Variants in NR6A1 observed in about 807,000 individuals in gnomAD.
The protein encoded by NR6A1 is nuclear receptor subfamily 6 group A member 1.
A neutral mutation model predicts 59.1 loss-of-function variants in NR6A1; 7 were observed. The observed-to-expected ratio is 0.12, with a 90% CI of 0.07 to 0.22. NR6A1 has a LOEUF of 0.22. Ranked by LOEUF, NR6A1 falls within the 10% of genes least tolerant of loss-of-function variation. The pLI is 1.00. For missense variants in NR6A1, 468 were observed against 611.6 expected, an observed-to-expected ratio of 0.77 and a Z score of 2.48; for synonymous variants, 243 against 236.1, an observed-to-expected ratio of 1.03 and a Z score of -0.27.
At chr9:124,543,530 C>T (rs965178644) in intron 4 of NR6A1, among the ~76,000 whole-genome samples, 34 of 152,150 alleles carry the variant, frequency 2.2e-4, no homozygotes, top group African/African-American at 7.7e-4. Context: ...ATCAAAAAGT[C>T]CTCTGGATGG....
At chr9:124,579,073 G>C (rs1353848253) in intron 2 of NR6A1, among the ~76,000 whole-genome samples, 2 of 152,186 alleles carry the variant, frequency 1.3e-5, no homozygotes, top group East Asian at 3.8e-4. Context: ...CTTGAGCCCA[G>C]GAGTTCAAGA....
chr9:124,723,680 T>C (rs1222894478), intron 2 of NR6A1, among the ~76,000 whole-genome samples: 1 of 152,242 alleles, frequency 6.6e-6, no homozygotes, highest in Non-Finnish European at 1.5e-5. Flanking sequence ...CCTAGAACAG[T>C]ATACACTTAA....
chr9:124,640,906 A>G (rs1438218417), intron 2 of NR6A1, among the ~76,000 whole-genome samples: 5 of 152,220 alleles, frequency 3.3e-5, no homozygotes, highest in African/African-American at 1.2e-4. Context: ...CCTTCATTCA[A>G]AATAACCTTT....
At chr9:124,688,965 G>A (rs531733935) in intron 2 of NR6A1, among the ~76,000 whole-genome samples, 2 of 152,084 alleles carry the variant, frequency 1.3e-5, no homozygotes, top group South Asian at 2.1e-4. Flanking sequence ...TATAGACTCA[G>A]GAAACTAAAA....
intron 2 of NR6A1, among the ~76,000 whole-genome samples, chr9:124,727,852 T>C (rs1265682740): frequency 6.6e-6 from 1 of 151,900 alleles, no homozygotes; most frequent in Non-Finnish European, 1.5e-5. Context: ...GGCCAGTTTA[T>C]TTTTTGCATT....
intron 2 of NR6A1, among the ~76,000 whole-genome samples, chr9:124,581,521 G>T (rs533539818): frequency 6.6e-6 from 1 of 152,268 alleles, no homozygotes; most frequent in South Asian, 2.1e-4. Context: ...GAACCCAGGA[G>T]GGGGAGGTTG....
intron 2 of NR6A1, among the ~76,000 whole-genome samples, chr9:124,601,577 C>CT (rs1835450944): frequency 9.5e-6 from 1 of 105,728 alleles, no homozygotes; most frequent in African/African-American, 4.1e-5. Flanking sequence ...GAGGGAGACT[C>CT]TGTGTCAAAA....
chr9:124,673,389 CAAAA>C (rs1837853297), intron 2 of NR6A1, among the ~76,000 whole-genome samples: 1 of 151,622 alleles, frequency 6.6e-6, no homozygotes, highest in South Asian at 2.1e-4. Flanking sequence ...ATTTAAAAGA[CAAAA>C]AAACTTCAAC....
At chr9:124,584,752 A>G (rs941800457) in intron 2 of NR6A1, among the ~76,000 whole-genome samples, 3 of 152,124 alleles carry the variant, frequency 2.0e-5, no homozygotes, top group Admixed American at 2.0e-4. Flanking sequence ...ACCCAACAAC[A>G]TTGAAATTAG....
intron 1 of NR6A1, among the ~76,000 whole-genome samples, chr9:124,759,708 C>T (rs183749536): frequency 1.3e-5 from 2 of 152,286 alleles, no homozygotes; most frequent in East Asian, 3.9e-4. Context: ...AAGATTGTCC[C>T]TGATTTGGCA....
intron 2 of NR6A1, among the ~76,000 whole-genome samples, chr9:124,630,026 T>TC (rs1249499110): frequency 2.6e-5 from 4 of 152,214 alleles, no homozygotes; most frequent in Non-Finnish European, 5.9e-5. Flanking sequence ...CCAAATTTTT[T>TC]CATACATGTT....
intron 2 of NR6A1, among the ~76,000 whole-genome samples, chr9:124,698,022 G>A (rs755262146): frequency 6.6e-6 from 1 of 152,178 alleles, no homozygotes; most frequent in Non-Finnish European, 1.5e-5. Context: ...TGCCAAGCAT[G>A]ACTGGCTGAT....
intron 7 of NR6A1, 34 bp downstream of exon 7, chr9:124,535,844 G>T: frequency 6.2e-7 from 1 of 1,611,018 alleles, no homozygotes; most frequent in African/African-American, 1.3e-5. Context: ...TTGTTTGGTT[G>T]TTTGGTATTT....
intron 1 of NR6A1, among the ~76,000 whole-genome samples, chr9:124,739,688 T>C (rs1170959327): frequency 6.6e-6 from 1 of 152,256 alleles, no homozygotes; most frequent in African/African-American, 2.4e-5. Context: ...TCATGAGAGA[T>C]TAAAATGTCA....
chr9:124,705,031 T>A (rs899139491), intron 2 of NR6A1, among the ~76,000 whole-genome samples: 2 of 152,236 alleles, frequency 1.3e-5, no homozygotes, highest in East Asian at 3.8e-4. Flanking sequence ...CCACTGTGCC[T>A]GGCCTAGTTA....
At chr9:124,672,602 G>C (rs952426926) in intron 2 of NR6A1, among the ~76,000 whole-genome samples, 2 of 151,316 alleles carry the variant, frequency 1.3e-5, no homozygotes, top group Admixed American at 1.3e-4. Context: ...GCGACAGAGC[G>C]AGACTCCGTT....
At chr9:124,684,913 G>C (rs905585528) in intron 2 of NR6A1, among the ~76,000 whole-genome samples, 4 of 151,996 alleles carry the variant, frequency 2.6e-5, no homozygotes, top group African/African-American at 9.7e-5. Flanking sequence ...CTGAGGCTAA[G>C]ATGTTTGACT....
intron 2 of NR6A1, among the ~76,000 whole-genome samples, chr9:124,681,973 TTTTTTTGTTTTGTTTTGTTTTG>T (rs923875334): frequency 1.3e-5 from 2 of 151,490 alleles, no homozygotes; most frequent in African/African-American, 4.9e-5. Context: ...CTAACCTTTG[TTTTTTTGTTTTGTTTTGTTTTG>T]TTTTTTGTTT....
intron 2 of NR6A1, among the ~76,000 whole-genome samples, chr9:124,588,779 G>A (rs753923869): frequency 4.0e-5 from 6 of 150,412 alleles, no homozygotes; most frequent in Non-Finnish European, 7.4e-5. Context: ...AATTAGCGGG[G>A]AATGGTGGAG....
Sources: gnomAD v4.1 joint callset for allele counts (sites outside exome capture counted in the v4.1 genomes callset) on GRCh38, gnomAD v4.1.1 for gene constraint, MANE v1.5 for transcripts, NCBI Gene and HGNC (gene_info 2026-07-23, HGNC 2026-07-21) for gene names.